NSUN2: variants seen among roughly 807,000 people sequenced by gnomAD.
The protein encoded by NSUN2 is RNA cytosine C(5)-methyltransferase NSUN2.
Under a neutral mutation model 92.7 loss-of-function variants are expected in NSUN2, and 63 were observed. That is an observed-to-expected ratio of 0.68 (90% CI 0.56 to 0.84). The LOEUF is 0.84. Ranked by LOEUF, NSUN2 falls within the 40% of genes least tolerant of loss-of-function variation. The pLI, the probability that NSUN2 is intolerant of heterozygous loss-of-function variation, is 0.00. For missense variants in NSUN2, 989 were observed against 964.9 expected (o/e 1.02, Z -0.33); for synonymous variants, 356 against 348.3 (o/e 1.02, Z -0.25).
rs559963998 is a variant in NSUN2, at chr5:6,632,718, G to A, written c.135C>T (p.Asn45=). 9.3e-6 allele frequency: 15 copies of A among 1,614,084 alleles called. No individual in the cohort carries two copies. In the Middle Eastern group the frequency reaches 5.0e-4, roughly 53 times the overall value. Residue 45 remains asparagine (N), a synonymous_variant, in exon 2 of 19, where the codon AAC becomes AAT. Transcript: ENST00000264670. ...CCTGGTAGTAGTGCTCGAACAGCTT[G>A]TTCTCCTTGACGATCTCGGGGTAGC... ...EGGYPEIVKE[N]KLFEHYYQEL... is the part of the protein sequence containing the mutation.
intron 9 of NSUN2, among the ~76,000 whole-genome samples, chr5:6,614,052 C>T (rs368443875): frequency 7.5e-6 from 1 of 132,838 alleles, no homozygotes; most frequent in African/African-American, 2.9e-5. Context: ...GCCGAGATGG[C>T]GCCACTGCAC....
intron 3 of NSUN2, 48 bp from the exon 4 acceptor site, chr5:6,625,717 C>T (rs1009863551): frequency 3.0e-6 from 4 of 1,351,676 alleles, no homozygotes; most frequent in African/African-American, 1.4e-5. Flanking sequence ...ATACTAAAGT[C>T]GTCTGTTGAC....
At chr5:6,619,747 A>T (rs1329619344) in intron 7 of NSUN2, among the ~76,000 whole-genome samples, 1 of 152,270 alleles carries the variant, frequency 6.6e-6, no homozygotes, top group Non-Finnish European at 1.5e-5. Context: ...TGGAAGAACT[A>T]ATACAAAATA....
intron 3 of NSUN2, among the ~76,000 whole-genome samples, chr5:6,628,732 G>C (rs937799634): frequency 1.3e-5 from 2 of 152,174 alleles, no homozygotes; most frequent in Non-Finnish European, 2.9e-5. Context: ...TAAATGTTTA[G>C]AGAATACAGC....
At chr5:6,623,337 A>AG (rs1737537907) in intron 4 of NSUN2, 52 bp from the exon 5 acceptor site, 1 of 1,374,826 alleles carries the variant, frequency 7.3e-7, no homozygotes, top group Admixed American at 2.2e-5. Context: ...AAAAAACCGC[A>AG]GACAATTTCA....
chr5:6,609,648 T>C (rs1429653289), intron 12 of NSUN2, among the ~76,000 whole-genome samples, 178 bp downstream of exon 12: 1 of 152,210 alleles, frequency 6.6e-6, no homozygotes, highest in East Asian at 1.9e-4. Flanking sequence ...TATGAGAAAT[T>C]TCTGCTTTTT....
At position 6,616,871 on chromosome 5, in the gene NSUN2, T is replaced by G; in HGVS notation, c.891-14A>C. ...CGCAGCTGTAAGCTAAGGGGAGATA[T>G]CAGATGACTGCAAGGCCAAATGTAT... On this transcript the variant is annotated splice_polypyrimidine_tract_variant and intron_variant, in intron 8 of 18. Transcript: ENST00000264670. The G allele has an allele frequency of 6.2e-7, 1 of 1,609,970 alleles. No homozygotes were observed. The highest frequency in any genetic ancestry group is 1.1e-5 in the South Asian group (1 of 90,290).
rs35232789 is a variant in NSUN2 at position 6,623,319 on chromosome 5, G to GAA, written c.466-36_466-35dup. 227,937 of 1,181,158 alleles carry GAA rather than the reference G, an allele frequency of 0.19. 108 individuals carry two copies. The highest frequency in any genetic ancestry group is 0.22 in the East Asian group (7,728 of 34,540). 73.2% of individuals were successfully genotyped at this position (1,181,158 alleles called of 1,614,324 possible). ...AAAAAAAAAAATCAGCAACAATTAGGAAAAAAAAAAAAACCGCAGACAATT... is the reference window on the plus strand; with the variant it reads ...AAAAAAAAAAATCAGCAACAATTAGGAAAAAAAAAAAAAAACCGCAGACAATT... On this transcript the variant is annotated intron_variant, in intron 4 of 18. Transcript: ENST00000264670.
rs1266840133 is a variant in NSUN2, at chr5:6,611,752, C to A, written c.1068G>T (p.Lys356Asn). 1 of 1,614,076 alleles carries A rather than the reference C, an allele frequency of 6.2e-7. No individual in the cohort carries two copies. The highest frequency in any genetic ancestry group is 8.5e-7 in the Non-Finnish European group (1 of 1,180,034). The change falls in exon 10 of 19, where the codon AAG becomes AAT. Residue 356 changes from lysine to asparagine, a missense_variant. Lys to Asn is a moderately conservative substitution (Grantham distance 94). Around this residue, in one of 3 missense-constraint regions of NSUN2, gnomAD observed 626 missense variants for 602.3 expected, o/e 1.04. Transcript: ENST00000264670. ...ADVSNELPGL[K>N]WMPGITQWKV... ...TCCACTGTGTGATTCCAGGCATCCACTTCAGCCCTGGCAGTTCATTAGACA... is the reference window on the plus strand; with the variant it reads ...TCCACTGTGTGATTCCAGGCATCCAATTCAGCCCTGGCAGTTCATTAGACA...
intron 18 of NSUN2, among the ~76,000 whole-genome samples, chr5:6,601,100 G>GGGCACAAAGGTGGTTTT (rs1161771163): frequency 6.6e-6 from 1 of 151,410 alleles, no homozygotes; most frequent in Non-Finnish European, 1.5e-5. Flanking sequence ...TGTAAAGCAG[G>GGGCACAAAGGTGGTTTT]GGCACAAAGG....
chr5:6,632,083 T>G, intron 2 of NSUN2, 106 bp from the exon 3 acceptor site: 2 of 831,584 alleles, frequency 2.4e-6, no homozygotes, highest in East Asian at 5.0e-5. Flanking sequence ...AACCAACTTT[T>G]GCATGGAGAG....
chr5:6,601,601 T>TCCCTC (rs138131371), intron 18 of NSUN2, among the ~76,000 whole-genome samples: 1 of 63,472 alleles, frequency 1.6e-5, no homozygotes, highest in Non-Finnish European at 3.9e-5. Context: ...CTCTTACCTA[T>TCCCTC]CCCTCCTCCT....
At chr5:6,626,660 T>C (rs190639930) in intron 3 of NSUN2, among the ~76,000 whole-genome samples, 1 of 152,340 alleles carries the variant, frequency 6.6e-6, no homozygotes, top group East Asian at 1.9e-4. Context: ...AGGATGTGCT[T>C]TGAAACTTGG....
intron 6 of NSUN2, 154 bp from the exon 7 acceptor site, chr5:6,620,452 C>CA (rs1560981380): frequency 7.9e-6 from 4 of 508,712 alleles, no homozygotes; most frequent in South Asian, 4.9e-5. Context: ...TTAAGTGGTT[C>CA]AAAAAAAGGA....
chr5:6,612,623 TACAAAA>T (rs1737047216), intron 9 of NSUN2, among the ~76,000 whole-genome samples: 1 of 152,084 alleles, frequency 6.6e-6, no homozygotes, highest in African/African-American at 2.4e-5. Flanking sequence ...ATGGGACAAT[TACAAAA>T]ACAAAGGAAA....
chr5:6,608,741 G>A (rs1384237602), intron 12 of NSUN2, among the ~76,000 whole-genome samples: 2 of 152,202 alleles, frequency 1.3e-5, no homozygotes, highest in Non-Finnish European at 2.9e-5. Flanking sequence ...TGACTGCACT[G>A]TGCTCTGCAG....
intron 6 of NSUN2, chr5:6,621,514 C>G (rs1001128316): frequency 6.6e-6 from 1 of 152,158 alleles, no homozygotes; most frequent in African/African-American, 2.4e-5. Context: ...TTTGGGAGGC[C>G]AAGGCGGGCG....
At chr5:6,607,167 C>T (rs747987983) in intron 13 of NSUN2, 33 bp downstream of exon 13, 29 of 1,602,444 alleles carry the variant, frequency 1.8e-5, no homozygotes, top group African/African-American at 6.7e-5. Context: ...AAGACACCAG[C>T]GTATTAGATC....
At position 6,606,842 on chromosome 5, in the gene NSUN2, C is replaced by T. The variant is rs780450731; in HGVS notation, c.1579G>A (p.Asp527Asn). 1 of 1,583,910 alleles carries T rather than the reference C, an allele frequency of 6.3e-7. No homozygotes were observed. Among genetic ancestry groups the T allele is most frequent in the South Asian group, 1.1e-5 (1 of 89,694 alleles). The change falls in exon 14 of 19, where the codon GAC (aspartate) becomes AAC (asparagine). Residue 527 changes from aspartate to asparagine, a missense_variant. This residue lies in a region of NSUN2 where 626 missense variants were observed against 602.3 expected (regional missense o/e 1.04). Transcript: ENST00000264670. The stretch of plus-strand genomic sequence containing the variant: ...TACTCAATAGGTGGAAATAATGGGT[C>T]ATCTTCAGGAATAAATACAAATGGA... ...EDPFVFIPED[D>N]PLFPPIEKFY...
Sources: gnomAD v4.1 joint callset for allele counts (sites outside exome capture counted in the v4.1 genomes callset) on GRCh38, gnomAD v4.1.1 for gene constraint, gnomAD v4.1.1 regional missense constraint, MANE v1.5 for transcripts, NCBI Gene and HGNC (gene_info 2026-07-23, HGNC 2026-07-21) for gene names.